Variants in ATP2A1 observed in about 807,000 individuals in gnomAD.
ATP2A1 encodes the protein sarcoplasmic/endoplasmic reticulum calcium ATPase 1.
A neutral mutation model predicts 109.5 loss-of-function variants in ATP2A1; 83 were observed. That is an observed-to-expected ratio of 0.76 (90% confidence interval 0.63 to 0.91). The LOEUF is 0.91. ATP2A1 is among the 40% of genes least tolerant of loss of function. The probability of loss-of-function intolerance (pLI) is 0.00; values close to 1 mark genes in which losing one functional copy is unlikely to be tolerated. For missense variants in ATP2A1, 1,101 were observed against 1,341.0 expected (o/e 0.82, Z 2.80); for synonymous variants, 505 against 537.6 (o/e 0.94, Z 0.84).
intron 12 of ATP2A1, among the ~76,000 whole-genome samples, chr16:28,896,341 C>G (rs972922528): frequency 2.0e-5 from 3 of 152,110 alleles, no homozygotes; most frequent in African/African-American, 7.2e-5. Context: ...ATTCTCCTGC[C>G]TCAGCCTCCC....
intron 12 of ATP2A1, among the ~76,000 whole-genome samples, chr16:28,896,147 TTTTTG>T (rs1193965255): frequency 1.3e-5 from 2 of 152,050 alleles, no homozygotes; most frequent in Non-Finnish European, 2.9e-5. Flanking sequence ...GTTCTTTTTA[TTTTTG>T]TTTTATTTTT....
At chr16:28,881,183 CTG>C (rs934058454) in intron 4 of ATP2A1, among the ~76,000 whole-genome samples, 164 bp downstream of exon 4, 4 of 152,186 alleles carry the variant, frequency 2.6e-5, no homozygotes, top group Non-Finnish European at 5.9e-5. Flanking sequence ...AGGTGGGAGA[CTG>C]TGACCCACTG....
In ATP2A1 at chr16:28,880,417, G is replaced by C. The variant is rs541627815; in HGVS notation, c.220-498G>C. ...CTCCTTGACATTTGCCTGCTGCCTG[G>C]CGGTGGCAACAGCTGGGGCGGGGCG... On this transcript the variant is annotated intron_variant, in intron 3 of 22. Transcript: ENST00000395503. This position sits in a 1 kb window ranked among gnomAD's most constrained non-coding sequence, Gnocchi z 4.2. Among the ~76,000 whole-genome samples, 549 of 152,368 alleles carry C rather than the reference G, an allele frequency of 3.6e-3. 1 individual carries two copies. The highest frequency in any genetic ancestry group is 6.3e-3 in the Admixed American group (96 of 15,314).
rs930446931 is a variant in ATP2A1, at chr16:28,883,299, A to C, written c.463+710A>C. On this transcript the variant is annotated intron_variant, in intron 5 of 22. Coordinates refer to ENST00000395503, the MANE Select transcript of ATP2A1 (RefSeq NM_004320.6). This position sits in a 1 kb window ranked among gnomAD's most constrained non-coding sequence, Gnocchi z 5.2. The stretch of plus-strand genomic sequence containing the variant: ...CCTCCTTCCCTGTAGCAGACATCCG[A>C]ATCACCACCCCAGGGAGCTTGGGCA... Among the ~76,000 whole-genome samples the C allele has an allele frequency of 6.6e-6, 1 of 152,108 alleles. No individual in the cohort carries two copies. The highest frequency in any genetic ancestry group is 1.5e-5 in the Non-Finnish European group (1 of 68,004).
Position 28,888,023 on chromosome 16 carries a change from G to A in ATP2A1, c.928+301G>A, listed in dbSNP as rs193048421. Among the ~76,000 whole-genome samples the A allele has an allele frequency of 3.2e-4, 49 of 151,950 alleles. 2 individuals are homozygous for A. Among genetic ancestry groups the A allele is most frequent in the South Asian group, 1.2e-3 (6 of 4,818 alleles). The stretch of plus-strand genomic sequence containing the variant: ...TCACCGTGTTAGCCAGGATGGTCTC[G>A]ATCTCCTGACCTCCTGATCTGCCCG... On this transcript the variant is annotated intron_variant, in intron 8 of 22. Coordinates refer to ENST00000395503, the MANE Select transcript of ATP2A1 (RefSeq NM_004320.6).
intron 15 of ATP2A1, among the ~76,000 whole-genome samples, chr16:28,901,328 CA>C (rs768320423): frequency 0.1 from 5,826 of 55,930 alleles, 227 homozygotes; most frequent in African/African-American, 0.25. Context: ...GACCCTGTCT[CA>C]AAAAAAAAAA....
chr16:28,882,855 A>C (rs915023317), intron 5 of ATP2A1, among the ~76,000 whole-genome samples: 2 of 152,164 alleles, frequency 1.3e-5, no homozygotes, highest in Non-Finnish European at 2.9e-5. Flanking sequence ...TTGCACTCGC[A>C]GGCAACAGGT....
chr16:28,897,540 GTTT>G (rs929349656), intron 12 of ATP2A1, among the ~76,000 whole-genome samples: 1 of 151,728 alleles, frequency 6.6e-6, no homozygotes, highest in Non-Finnish European at 1.5e-5. Context: ...AACAATGAAA[GTTT>G]TTTTTTCTTT....
At chr16:28,882,675 A>G in intron 5 of ATP2A1, 86 bp downstream of exon 5, 4 of 1,567,638 alleles carry the variant, frequency 2.6e-6, no homozygotes, top group Non-Finnish European at 3.5e-6. Context: ...GCTCGGATCC[A>G]GGTGTCCAGG....
In ATP2A1 at chr16:28,880,808, G is replaced by GCTCCTGCACT; in HGVS notation, c.220-97_220-88dup. 2 of 1,122,330 alleles carry GCTCCTGCACT rather than the reference G, an allele frequency of 1.8e-6. No individual in the cohort carries two copies. Among genetic ancestry groups the GCTCCTGCACT allele is most frequent in the Non-Finnish European group, 2.7e-6 (2 of 739,290 alleles). 69.5% of individuals were successfully genotyped at this position (1,122,330 alleles called of 1,614,324 possible). On this transcript the variant is annotated intron_variant, in intron 3 of 22. Transcript: ENST00000395503. The surrounding 1 kb of genome is among the most constrained non-coding windows in gnomAD (Gnocchi z 4.2). ...CCGACGGTGCCCGGCCCTCCTGCTG[G>GCTCCTGCACT]CTCCTGCACTCTCCTGCACAGTTCT... is the stretch of plus-strand genomic sequence containing the variant.
rs1963413282 is a variant in ATP2A1 at position 28,880,013 on chromosome 16, C to A, written c.219+430C>A. 4.9e-6 allele frequency: 5 copies of A among 1,017,238 alleles called. No individual in the cohort carries two copies. The highest frequency in any genetic ancestry group is 5.9e-6 in the Non-Finnish European group (5 of 853,636). 63.0% of individuals were successfully genotyped at this position (1,017,238 alleles called of 1,614,324 possible). A position where few individuals can be genotyped will look rare whatever the true frequency, so the allele number is the denominator to read the frequency against. On this transcript the variant is annotated intron_variant, in intron 3 of 22. Transcript: ENST00000395503. The surrounding 1 kb of genome is among the most constrained non-coding windows in gnomAD (Gnocchi z 4.2). The stretch of plus-strand genomic sequence containing the variant: ...CCCCGCCCTCCCCAGCCTCCTGACG[C>A]TGATTGGTCGAGGGGAGGACTCGCT...
intron 9 of ATP2A1, chr16:28,892,726 C>CG (rs1180080486): frequency 1.3e-5 from 2 of 152,404 alleles, no homozygotes; most frequent in Non-Finnish European, 2.9e-5. Context: ...AAAGCCAGAC[C>CG]ACAGGCTCGT....
rs1963871926 is a variant in ATP2A1 at position 28,894,816 on chromosome 16, T to C, written c.1288-6T>C. The C allele has an allele frequency of 1.9e-6, 3 of 1,611,080 alleles. No homozygotes were observed. The East Asian group carries it at 6.7e-5, about 36-fold the overall frequency. ...CGACTTCCTCTTCCTCCTCTGCCCATCTCAGGCCAAAGGTGTCTATGAGAA... is the reference window on the plus strand; with the variant it reads ...CGACTTCCTCTTCCTCCTCTGCCCACCTCAGGCCAAAGGTGTCTATGAGAA... On this transcript the variant is annotated splice_region_variant and splice_polypyrimidine_tract_variant and intron_variant, in intron 11 of 22. Transcript: ENST00000395503.
rs142110738 is a variant in ATP2A1, at chr16:28,899,831, G to A, written c.1765-750G>A. Among the ~76,000 whole-genome samples the A allele has an allele frequency of 6.9e-4, 105 of 151,244 alleles. 1 individual carries two copies. In the East Asian group the frequency reaches 0.012, roughly 17 times the overall value. ...AAAAATTAGCCAGGCGTGGTGGTGC[G>A]CCCTTATAATCCCAGCTACTCAGGA... On this transcript the variant is annotated intron_variant, in intron 14 of 22. Coordinates refer to ENST00000395503, the MANE Select transcript of ATP2A1 (RefSeq NM_004320.6).
chr16:28,899,274 G>C (rs757430724), intron 14 of ATP2A1, among the ~76,000 whole-genome samples: 2 of 152,226 alleles, frequency 1.3e-5, no homozygotes, highest in African/African-American at 4.8e-5. Flanking sequence ...TTTCTTCTAA[G>C]TTGTGGGTCA....
rs1186912008 is a variant in ATP2A1, at chr16:28,903,007, C to T, written c.2745-23C>T. 5.6e-6 allele frequency: 9 copies of T among 1,612,630 alleles called. No individual in the cohort carries two copies. Among genetic ancestry groups the T allele is most frequent in the Non-Finnish European group, 7.6e-6 (9 of 1,178,928 alleles). ...ACCTCCTTCCTCCTCACTGTGCCTTCTCCCTCCCCTTCCCCTCTGCAGCCT... is the reference window on the plus strand; with the variant it reads ...ACCTCCTTCCTCCTCACTGTGCCTTTTCCCTCCCCTTCCCCTCTGCAGCCT... On this transcript the variant is annotated intron_variant, in intron 19 of 22. Transcript: ENST00000395503. This position sits in a 1 kb window ranked among gnomAD's most constrained non-coding sequence, Gnocchi z 5.6.
Position 28,888,802 on chromosome 16 carries a change from T to C in ATP2A1, c.944T>C (p.Ile315Thr), listed in dbSNP as rs1210003038. 4.3e-6 allele frequency: 6 copies of C among 1,380,112 alleles called. No homozygotes were observed. The highest frequency in any genetic ancestry group is 1.5e-5 in the African/African-American group (1 of 67,720). The allele number at this position is 1,380,112 out of a possible 1,614,324, so 85.5% of individuals were successfully genotyped here. ...AAIPEGLPAV[I>T]TTCLALGTRR... The stretch of plus-strand genomic sequence containing the variant: ...CTCCCCACAGGTCTTCCTGCAGTCA[T>C]CACCACCTGCCTGGCCCTGGGTACC... The change falls in exon 9 of 23, where the codon ATC becomes ACC. Residue 315 changes from isoleucine to threonine, a missense_variant. Physicochemically the swap from Ile to Thr is moderately conservative, Grantham distance 89. Transcript: ENST00000395503.
At position 28,903,434 on chromosome 16, in the gene ATP2A1, C is replaced by G. The variant is rs1964150106; in HGVS notation, c.2974C>G (p.Leu992Val). Reference sequence around the variant, plus strand: ...CCTCAAGTTCGTTGCTCGGAACTACCTAGAGGGTAAGGAGTGCCCTCTCTG... The same window carrying G: ...CCTCAAGTTCGTTGCTCGGAACTACGTAGAGGGTAAGGAGTGCCCTCTCTG... Reference protein sequence around the residue: ...EILKFVARNYLEG With the variant: ...EILKFVARNYVEG The change falls in exon 21 of 23, where the codon CTA becomes GTA. Residue 992 changes from leucine (L) to valine (V), a missense_variant. Coordinates refer to ENST00000395503, the MANE Select transcript of ATP2A1 (RefSeq NM_004320.6). This position sits in a 1 kb window ranked among gnomAD's most constrained non-coding sequence, Gnocchi z 5.6. 1 of 1,613,134 alleles carries G rather than the reference C, an allele frequency of 6.2e-7. No homozygotes were observed. Among genetic ancestry groups the G allele is most frequent in the Non-Finnish European group, 8.5e-7 (1 of 1,179,146 alleles).
intron 12 of ATP2A1, among the ~76,000 whole-genome samples, chr16:28,895,471 ATTTCTCTC>A (rs1429637326): frequency 2.0e-5 from 3 of 152,018 alleles, no homozygotes; most frequent in Admixed American, 6.6e-5. Flanking sequence ...TATTCCCCAC[ATTTCTCTC>A]TTTCTCTCTT....
Sources: gnomAD v4.1 joint callset for allele counts (sites outside exome capture counted in the v4.1 genomes callset) on GRCh38, gnomAD v4.1.1 for gene constraint, Gnocchi (gnomAD v3.1) non-coding constraint, MANE v1.5 for transcripts, NCBI Gene and HGNC (gene_info 2026-07-23, HGNC 2026-07-21) for gene names.